Variants in RAPGEF6 observed in about 807,000 individuals in gnomAD.
RAPGEF6 encodes the protein Rap guanine nucleotide exchange factor 6.
In RAPGEF6, 56 loss-of-function variants were observed where a neutral mutation model predicts 171.4. The observed-to-expected ratio is 0.33, with a 90% CI of 0.26 to 0.41. RAPGEF6 has a LOEUF of 0.41. Among genes scored for constraint, RAPGEF6 ranks in the 10% least tolerant of loss-of-function variants. The probability of loss-of-function intolerance (pLI) is 1.00; values close to 1 mark genes in which losing one functional copy is unlikely to be tolerated. For missense variants in RAPGEF6, 1,674 were observed against 1,921.4 expected, an observed-to-expected ratio of 0.87 and a Z score of 2.41; for synonymous variants, 692 against 650.1, an observed-to-expected ratio of 1.06 and a Z score of -0.98.
In RAPGEF6 at chr5:131,426,514, T is replaced by TC. The variant is rs1751403358; in HGVS notation, c.*751dup. The TC allele has an allele frequency of 6.6e-6, 1 of 152,302 alleles. No homozygotes were observed. Among genetic ancestry groups the TC allele is most frequent in the South Asian group, 2.1e-4 (1 of 4,834 alleles). The allele number at this position is 152,302 out of a possible 1,614,324, so 9.4% of individuals were successfully genotyped here. A position where few individuals can be genotyped will look rare whatever the true frequency, so the allele number is the denominator to read the frequency against. ...GTGGAAATTAGGGTTCCCACCCTCC[T>TC]CCCCAAACTACTCCCTCCCATTTCC... On this transcript the variant is annotated 3_prime_UTR_variant, in exon 28 of 28. Transcript: ENST00000509018.
intron 15 of RAPGEF6, among the ~76,000 whole-genome samples, chr5:131,482,468 CA>C (rs1755554246): frequency 6.6e-6 from 1 of 152,094 alleles, no homozygotes; most frequent in Admixed American, 6.6e-5. Flanking sequence ...GCACCCAGCT[CA>C]TTTTTTCTAT....
At chr5:131,472,549 T>A (rs1263345686) in intron 17 of RAPGEF6, 38 bp downstream of exon 17, 9 of 1,589,480 alleles carry the variant, frequency 5.7e-6, no homozygotes, top group Non-Finnish European at 7.8e-6. Flanking sequence ...GTTCATTTGG[T>A]ACCAATACGG....
At position 131,430,912 on chromosome 5, in the gene RAPGEF6, G is replaced by C; in HGVS notation, c.4412C>G (p.Ala1471Gly). The C allele has an allele frequency of 1.2e-6, 2 of 1,612,584 alleles. No individual in the cohort carries two copies. The highest frequency in any genetic ancestry group is 1.7e-6 in the Non-Finnish European group (2 of 1,179,518). The change falls in exon 26 of 28, where the codon GCC (alanine) becomes GGC (glycine). Residue 1471 changes from alanine (A) to glycine (G), a missense_variant. By Grantham distance (60) the Ala-to-Gly change is moderately conservative (BLOSUM62 0). Coordinates refer to ENST00000509018, the MANE Select transcript of RAPGEF6 (RefSeq NM_016340.6). ...GACAGTTTTATAAACTGGGTCAGTGGCATCCTTGGGGTCCAAGCCTTCAGA... is the reference window on the plus strand; with the variant it reads ...GACAGTTTTATAAACTGGGTCAGTGCCATCCTTGGGGTCCAAGCCTTCAGA... ...ESSEGLDPKDATDPVYKTVTS... is the reference protein window; with the variant it reads ...ESSEGLDPKDGTDPVYKTVTS...
intron 1 of RAPGEF6, among the ~76,000 whole-genome samples, chr5:131,607,570 A>G (rs943585005): frequency 6.6e-6 from 1 of 152,188 alleles, no homozygotes; most frequent in Non-Finnish European, 1.5e-5. Context: ...CTCTGTCATA[A>G]CACAGTCAGT....
intron 24 of RAPGEF6, among the ~76,000 whole-genome samples, chr5:131,435,181 A>G (rs1408001077): frequency 6.6e-6 from 1 of 152,196 alleles, no homozygotes; most frequent in Non-Finnish European, 1.5e-5. Flanking sequence ...TAACTATTTC[A>G]AAGAGAAAAA....
intron 1 of RAPGEF6, among the ~76,000 whole-genome samples, chr5:131,626,543 T>C (rs1029172714): frequency 1.3e-5 from 2 of 151,860 alleles, no homozygotes; most frequent in Non-Finnish European, 2.9e-5. Flanking sequence ...TCATGACATT[T>C]AACACTGGGA....
chr5:131,546,313 A>G (rs1760523283), intron 6 of RAPGEF6, among the ~76,000 whole-genome samples: 1 of 152,170 alleles, frequency 6.6e-6, no homozygotes, highest in Non-Finnish European at 1.5e-5. Context: ...ATTTTTAAAA[A>G]ATAAGGAAAA....
intron 6 of RAPGEF6, among the ~76,000 whole-genome samples, chr5:131,528,318 T>TATATATATATATAC (rs1759101168): frequency 4.2e-5 from 2 of 47,500 alleles, no homozygotes; most frequent in African/African-American, 1.3e-4. Flanking sequence ...TTATATTATA[T>TATATATATATATAC]ATATATATAT....
chr5:131,428,874 G>A (rs1279225759), intron 27 of RAPGEF6, 28 bp downstream of exon 27: 16 of 1,582,912 alleles, frequency 1.0e-5, no homozygotes, highest in Non-Finnish European at 1.4e-5. Context: ...ATTCATTTAA[G>A]AGCCTTTAAG....
intron 16 of RAPGEF6, among the ~76,000 whole-genome samples, chr5:131,475,062 G>A (rs917332594): frequency 2.6e-5 from 4 of 152,142 alleles, no homozygotes; most frequent in African/African-American, 9.7e-5. Context: ...ATTTAACATC[G>A]CTTCTGCTTT....
intron 7 of RAPGEF6, among the ~76,000 whole-genome samples, chr5:131,514,845 C>T (rs1432377383): frequency 1.3e-5 from 2 of 152,150 alleles, no homozygotes; most frequent in Non-Finnish European, 2.9e-5. Context: ...CATCCCCAGC[C>T]TTTCAATTAA....
chr5:131,576,496 C>T (rs950400851), intron 4 of RAPGEF6, among the ~76,000 whole-genome samples: 1 of 152,164 alleles, frequency 6.6e-6, no homozygotes. Flanking sequence ...CCATCATCAA[C>T]GCTTCCTTAA....
At chr5:131,432,227 CAA>C (rs545372424) in intron 25 of RAPGEF6, among the ~76,000 whole-genome samples, 1 of 151,938 alleles carries the variant, frequency 6.6e-6, no homozygotes, top group Non-Finnish European at 1.5e-5. Flanking sequence ...CAGCCCTTCA[CAA>C]AAAAAAGTTT....
chr5:131,501,092 A>G (rs1174470109), intron 11 of RAPGEF6, among the ~76,000 whole-genome samples: 1 of 152,098 alleles, frequency 6.6e-6, no homozygotes, highest in Non-Finnish European at 1.5e-5. Context: ...GGATCACTTG[A>G]GGTCAGGAGT....
intron 4 of RAPGEF6, among the ~76,000 whole-genome samples, chr5:131,584,187 T>C (rs1763119195): frequency 6.6e-6 from 1 of 152,228 alleles, no homozygotes; most frequent in Admixed American, 6.5e-5. Context: ...CTGTTCAGTG[T>C]ATGTCAGTTA....
intron 20 of RAPGEF6, among the ~76,000 whole-genome samples, chr5:131,454,048 T>C (rs1753304720): frequency 6.6e-6 from 1 of 152,166 alleles, no homozygotes; most frequent in African/African-American, 2.4e-5. Flanking sequence ...TTCCCAGTGC[T>C]TGCCCCTAGG....
intron 21 of RAPGEF6, chr5:131,449,945 G>T: frequency 1.5e-6 from 2 of 1,373,758 alleles, no homozygotes; most frequent in South Asian, 2.5e-5. Flanking sequence ...TTTTATGTGC[G>T]TGCATTAATG....
intron 1 of RAPGEF6, among the ~76,000 whole-genome samples, chr5:131,631,359 C>T (rs1766296357): frequency 6.6e-6 from 1 of 152,188 alleles, no homozygotes; most frequent in African/African-American, 2.4e-5. Flanking sequence ...GCAGCTCAAA[C>T]CTCTCTGACA....
chr5:131,470,144 T>C (rs1754644238), intron 17 of RAPGEF6, among the ~76,000 whole-genome samples: 2 of 152,178 alleles, frequency 1.3e-5, no homozygotes, highest in African/African-American at 4.8e-5. Flanking sequence ...TTTCACAAAA[T>C]TACACATTTG....
Sources: gnomAD v4.1 joint callset for allele counts (sites outside exome capture counted in the v4.1 genomes callset) on GRCh38, gnomAD v4.1.1 for gene constraint, MANE v1.5 for transcripts, NCBI Gene and HGNC (gene_info 2026-07-23, HGNC 2026-07-21) for gene names.